GALNT2: variants seen among roughly 807,000 people sequenced by gnomAD.
The protein encoded by GALNT2 is UDP-GalNAc:polypeptide N-acetylgalactosaminyltransferase 2.
In GALNT2, 31 loss-of-function variants were observed where a neutral mutation model predicts 81.4. The ratio of observed to expected loss-of-function variants is 0.38; its 90% CI spans 0.29 to 0.51. The LOEUF (loss-of-function observed/expected upper bound fraction) is 0.51, where lower values mean the gene tolerates loss of function less well. GALNT2 is among the 20% of genes least tolerant of loss of function. The pLI is 0.87. For synonymous variants in GALNT2, 303 were observed against 287.4 expected (o/e 1.05, Z -0.55); for missense variants, 629 against 765.7 (o/e 0.82, Z 2.11).
intron 2 of GALNT2, among the ~76,000 whole-genome samples, chr1:230,179,009 G>T (rs1014192679): frequency 1.3e-5 from 2 of 151,478 alleles, no homozygotes; most frequent in Non-Finnish European, 2.9e-5. Context: ...CAGGCAGTTG[G>T]AATCATAGGG....
chr1:230,059,375 AG>A (rs1658991011), intron 1 of GALNT2, among the ~76,000 whole-genome samples: 1 of 152,222 alleles, frequency 6.6e-6, no homozygotes, highest in East Asian at 1.9e-4. Flanking sequence ...GAACAGTACT[AG>A]GGGCTGACAA....
chr1:230,094,210 T>C (rs1342228083), intron 1 of GALNT2, among the ~76,000 whole-genome samples: 1 of 148,950 alleles, frequency 6.7e-6, no homozygotes, highest in African/African-American at 2.5e-5. Flanking sequence ...TGGGTTTTGC[T>C]ATGTTGCTCA....
At chr1:230,081,215 G>A (rs1659717643) in intron 1 of GALNT2, among the ~76,000 whole-genome samples, 1 of 152,188 alleles carries the variant, frequency 6.6e-6, no homozygotes, top group Non-Finnish European at 1.5e-5. Context: ...CTGAGCCCCA[G>A]ACAGCATGAG....
At chr1:230,135,288 T>A (rs781139727) in intron 1 of GALNT2, among the ~76,000 whole-genome samples, 1 of 152,122 alleles carries the variant, frequency 6.6e-6, no homozygotes, top group African/African-American at 2.4e-5. Flanking sequence ...GATACCCATA[T>A]TTTATTCTCT....
chr1:230,128,212 G>A (rs11122361), intron 1 of GALNT2, among the ~76,000 whole-genome samples: 38,400 of 151,798 alleles, frequency 0.25, 5,215 homozygotes, highest in East Asian at 0.4. Flanking sequence ...CTGTCACATC[G>A]CACTCACCAT....
intron 1 of GALNT2, among the ~76,000 whole-genome samples, chr1:230,111,108 T>C (rs952015484): frequency 1.3e-5 from 2 of 152,244 alleles, no homozygotes; most frequent in Non-Finnish European, 2.9e-5. Flanking sequence ...TATGTACATA[T>C]GGGCATGTGG....
chr1:230,225,686 T>G (rs949836783), intron 3 of GALNT2, among the ~76,000 whole-genome samples: 5 of 151,920 alleles, frequency 3.3e-5, no homozygotes, highest in Non-Finnish European at 7.4e-5. Flanking sequence ...TTTTTTGTTT[T>G]TTTTTTTTTA....
chr1:230,253,616 A>G (rs1278658639), intron 10 of GALNT2, among the ~76,000 whole-genome samples: 4 of 152,206 alleles, frequency 2.6e-5, no homozygotes, highest in Non-Finnish European at 2.9e-5. Context: ...AATACATATA[A>G]TGTATGGTGA....
intron 1 of GALNT2, among the ~76,000 whole-genome samples, chr1:230,102,903 T>G (rs1660443337): frequency 6.6e-6 from 1 of 152,174 alleles, no homozygotes; most frequent in Non-Finnish European, 1.5e-5. Flanking sequence ...GGGTGAAGAC[T>G]GGAGAATACT....
intron 3 of GALNT2, among the ~76,000 whole-genome samples, chr1:230,233,626 A>C (rs548098391): frequency 6.6e-6 from 1 of 152,140 alleles, no homozygotes; most frequent in African/African-American, 2.4e-5. Context: ...AAGAAAAAAA[A>C]ACCTACAGAA....
chr1:230,191,357 G>A (rs913080325), intron 2 of GALNT2, among the ~76,000 whole-genome samples: 1 of 152,248 alleles, frequency 6.6e-6, no homozygotes, highest in African/African-American at 2.4e-5. Flanking sequence ...TGCAGTAACT[G>A]TGGATGTTTT....
intron 3 of GALNT2, among the ~76,000 whole-genome samples, chr1:230,209,042 A>T (rs1409748475): frequency 7.1e-6 from 1 of 141,780 alleles, no homozygotes; most frequent in Admixed American, 7.0e-5. Flanking sequence ...CCCATTAGTT[A>T]AAAAAAAAAA....
intron 2 of GALNT2, among the ~76,000 whole-genome samples, chr1:230,187,875 C>T (rs1370550014): frequency 1.4e-4 from 21 of 151,640 alleles, no homozygotes; most frequent in African/African-American, 4.1e-4. Flanking sequence ...TCTCCAACAT[C>T]CGGCTGTTTC....
chr1:230,276,076 C>T (rs1008853725), intron 15 of GALNT2, among the ~76,000 whole-genome samples: 1 of 148,564 alleles, frequency 6.7e-6, no homozygotes, highest in Non-Finnish European at 1.5e-5. Flanking sequence ...ATATACATGC[C>T]ACATATATAT....
chr1:230,267,127 T>G (rs114636581), intron 14 of GALNT2, among the ~76,000 whole-genome samples: 210 of 152,364 alleles, frequency 1.4e-3, no homozygotes, highest in African/African-American at 4.3e-3. Flanking sequence ...ATGTGCTGCT[T>G]CTTTCTTCTT....
At chr1:230,123,504 A>G (rs929228281) in intron 1 of GALNT2, among the ~76,000 whole-genome samples, 1 of 152,080 alleles carries the variant, frequency 6.6e-6, no homozygotes, top group African/African-American at 2.4e-5. Flanking sequence ...CTGGTTGTGT[A>G]TGTCTGTGTG....
chr1:230,125,122 C>T (rs907542161), intron 1 of GALNT2, among the ~76,000 whole-genome samples: 4 of 152,340 alleles, frequency 2.6e-5, no homozygotes, highest in Admixed American at 6.5e-5. Flanking sequence ...AATGTGAAGG[C>T]TTCCCAAGCC....
chr1:230,159,413 A>G lies in GALNT2; in HGVS notation c.127-18805A>G, dbSNP rs541689193. 2.7e-4 allele frequency among the ~76,000 whole-genome samples: 41 copies of G among 152,342 alleles called. No homozygotes were observed. The South Asian group carries it at 7.7e-3, about 28-fold the overall frequency. ...AGTGTGAGGCTAGGTCAACCGGAGA[A>G]ATTCACCCAATTATTTCGTTTCTTT... On this transcript the variant is annotated intron_variant, in intron 1 of 15. Coordinates refer to ENST00000366672, the MANE Select transcript of GALNT2 (RefSeq NM_004481.5).
intron 3 of GALNT2, among the ~76,000 whole-genome samples, chr1:230,234,202 C>T (rs570684720): frequency 6.6e-6 from 1 of 152,106 alleles, no homozygotes; most frequent in South Asian, 2.1e-4. Flanking sequence ...AATTGCACAT[C>T]TTCTGGATGA....
Sources: gnomAD v4.1 joint callset for allele counts (sites outside exome capture counted in the v4.1 genomes callset) on GRCh38, gnomAD v4.1.1 for gene constraint, MANE v1.5 for transcripts, NCBI Gene and HGNC (gene_info 2026-07-23, HGNC 2026-07-21) for gene names.